The following GPC6 variants were observed in gnomAD, a reference collection of about 807,000 sequenced individuals.
The protein encoded by GPC6 is glypican 6, also known as glypican-6.
GPC6 carries 14 observed loss-of-function variants against 55.2 expected under a neutral mutation model. That is an observed-to-expected ratio of 0.25 (90% CI 0.17 to 0.40). The LOEUF is 0.40. GPC6 is among the 10% of genes least tolerant of loss of function. The probability of loss-of-function intolerance (pLI) is 1.00; values close to 1 mark genes in which losing one functional copy is unlikely to be tolerated. For synonymous variants in GPC6, 278 were observed against 259.6 expected, an observed-to-expected ratio of 1.07 and a Z score of -0.68; for missense variants, 641 against 708.5, an observed-to-expected ratio of 0.90 and a Z score of 1.08.
At chr13:94,333,943 G>GGAGA (rs1296337370) in intron 6 of GPC6, among the ~76,000 whole-genome samples, 18 of 152,254 alleles carry the variant, frequency 1.2e-4, no homozygotes, top group Admixed American at 9.8e-4. Context: ...GAGCAGAGAA[G>GGAGA]GAGAGAGAAA....
At chr13:93,636,810 T>C (rs1167862845) in intron 2 of GPC6, among the ~76,000 whole-genome samples, 1 of 152,190 alleles carries the variant, frequency 6.6e-6, no homozygotes, top group Non-Finnish European at 1.5e-5. Flanking sequence ...CCTGGGATTT[T>C]AGGGTTATTT....
chr13:93,347,140 T>A (rs993579718), intron 1 of GPC6, among the ~76,000 whole-genome samples: 1 of 152,168 alleles, frequency 6.6e-6, no homozygotes, highest in Non-Finnish European at 1.5e-5. Context: ...CTGAACCAAG[T>A]AAGACTCCAC....
intron 4 of GPC6, among the ~76,000 whole-genome samples, chr13:94,279,025 T>C (rs1314366371): frequency 6.6e-6 from 1 of 152,174 alleles, no homozygotes; most frequent in African/African-American, 2.4e-5. Context: ...CAGATCCTCT[T>C]TGTACCTCTG....
At chr13:93,946,609 T>C (rs1879022958) in intron 3 of GPC6, among the ~76,000 whole-genome samples, 1 of 152,134 alleles carries the variant, frequency 6.6e-6, no homozygotes, top group Non-Finnish European at 1.5e-5. Context: ...GTCTTCTGGG[T>C]TTTGAGAATT....
chr13:94,163,363 G>C (rs1888235826), intron 4 of GPC6, among the ~76,000 whole-genome samples: 1 of 151,348 alleles, frequency 6.6e-6, no homozygotes, highest in Non-Finnish European at 1.5e-5. Context: ...CTCCCTGTAG[G>C]ATTTTTTTCA....
intron 1 of GPC6, among the ~76,000 whole-genome samples, chr13:93,270,979 C>T (rs1877503649): frequency 6.6e-6 from 1 of 152,156 alleles, no homozygotes; most frequent in Non-Finnish European, 1.5e-5. Flanking sequence ...GACTTGCACC[C>T]GTAGTTAATG....
intron 1 of GPC6, among the ~76,000 whole-genome samples, chr13:93,383,556 C>A (rs1031881542): frequency 2.6e-5 from 4 of 152,164 alleles, no homozygotes; most frequent in African/African-American, 9.7e-5. Context: ...TGGCTCCCAG[C>A]TTCTCATTTC....
At chr13:93,319,137 A>G (rs1344388152) in intron 1 of GPC6, among the ~76,000 whole-genome samples, 4 of 152,138 alleles carry the variant, frequency 2.6e-5, no homozygotes, top group Non-Finnish European at 5.9e-5. Context: ...TTTTCTGGAG[A>G]AACTGGCTCC....
At chr13:93,495,181 C>G (rs1319941383) in intron 1 of GPC6, among the ~76,000 whole-genome samples, 5 of 110,156 alleles carry the variant, frequency 4.5e-5, no homozygotes, top group African/African-American at 1.7e-4. Flanking sequence ...TAGATTTGGT[C>G]TTTTCACATA....
chr13:93,530,894 G>A (rs1881840963), intron 1 of GPC6, among the ~76,000 whole-genome samples: 1 of 152,122 alleles, frequency 6.6e-6, no homozygotes, highest in Non-Finnish European at 1.5e-5. Context: ...GAGTATTTAT[G>A]TCATGGAAAT....
At chr13:94,384,094 CATT>C (rs1345162501) in intron 7 of GPC6, among the ~76,000 whole-genome samples, 1 of 152,138 alleles carries the variant, frequency 6.6e-6, no homozygotes, top group African/African-American at 2.4e-5. Context: ...TTGCTAATGA[CATT>C]ATTAACCATA....
At chr13:93,604,287 G>A (rs1015773178) in intron 2 of GPC6, among the ~76,000 whole-genome samples, 1 of 152,210 alleles carries the variant, frequency 6.6e-6, no homozygotes, top group African/African-American at 2.4e-5. Context: ...ACGTGACTGA[G>A]CATTCATTTA....
At position 94,031,055 on chromosome 13, in the gene GPC6, T is replaced by C. The variant is rs527839103; in HGVS notation, c.877+3161T>C. Among the ~76,000 whole-genome samples the C allele has an allele frequency of 1.9e-4, 28 of 150,938 alleles. No individual in the cohort carries two copies. In the South Asian group the frequency reaches 5.7e-3, roughly 30 times the overall value. On this transcript the variant is annotated intron_variant, in intron 4 of 8. Coordinates refer to ENST00000377047, the MANE Select transcript of GPC6 (RefSeq NM_005708.5). ...ATGCGTGTGTGCGTTTGTGCGTTTG[T>C]GCGTGTGCATGTGCGTGTGCGTGTG...
At chr13:93,518,295 G>A (rs561572536) in intron 1 of GPC6, among the ~76,000 whole-genome samples, 1 of 151,638 alleles carries the variant, frequency 6.6e-6, no homozygotes, top group Non-Finnish European at 1.5e-5. Flanking sequence ...TTTTCTTTAT[G>A]TGGATACATT....
In GPC6 at chr13:94,406,763, A is replaced by C. The variant is rs1364186218; in HGVS notation, c.*3546A>C. ...AGTCCCTAAGGAGGAAAAAACCTTAACATATTCCTGAGATGTGATTCTTTT... is the reference window on the plus strand; with the variant it reads ...AGTCCCTAAGGAGGAAAAAACCTTACCATATTCCTGAGATGTGATTCTTTT... On this transcript the variant is annotated 3_prime_UTR_variant, in exon 9 of 9. Transcript: ENST00000377047. 6.6e-6 allele frequency: 1 copy of C among 152,126 alleles called. No homozygotes were observed. Among genetic ancestry groups the C allele is most frequent in the African/African-American group, 2.4e-5 (1 of 41,454 alleles). 9.4% of individuals were successfully genotyped at this position (152,126 alleles called of 1,614,324 possible). A position where few individuals can be genotyped will look rare whatever the true frequency, so the allele number is the denominator to read the frequency against.
intron 3 of GPC6, among the ~76,000 whole-genome samples, chr13:93,882,075 C>G (rs1162871062): frequency 1.3e-5 from 2 of 150,658 alleles, no homozygotes; most frequent in African/African-American, 4.9e-5. Context: ...CTTTTCTTTT[C>G]TCTTCTTTTT....
intron 1 of GPC6, among the ~76,000 whole-genome samples, chr13:93,465,672 G>T (rs1000398145): frequency 6.6e-5 from 10 of 152,144 alleles, no homozygotes; most frequent in African/African-American, 1.9e-4. Context: ...CAGCATGAAG[G>T]CTGTTTCAGT....
At chr13:94,096,401 C>G (rs1045368816) in intron 4 of GPC6, among the ~76,000 whole-genome samples, 4 of 151,432 alleles carry the variant, frequency 2.6e-5, no homozygotes, top group Admixed American at 2.6e-4. Flanking sequence ...CATACACATA[C>G]CTTTTAATGA....
At chr13:94,043,375 A>T (rs1883610417) in intron 4 of GPC6, among the ~76,000 whole-genome samples, 1 of 151,858 alleles carries the variant, frequency 6.6e-6, no homozygotes, top group Non-Finnish European at 1.5e-5. Flanking sequence ...TATGACTAAC[A>T]TTGATTTTGA....
Sources: allele counts gnomAD v4.1 joint callset (sites outside exome capture counted in the v4.1 genomes callset), GRCh38; gene constraint gnomAD v4.1.1; transcripts MANE v1.5; gene names NCBI Gene and HGNC (gene_info 2026-07-23, HGNC 2026-07-21).